Variants in RPS6KC1 observed in about 807,000 individuals in gnomAD.
RPS6KC1 encodes ribosomal protein S6 kinase C1.
A neutral mutation model predicts 103.8 loss-of-function variants in RPS6KC1; 54 were observed. The observed-to-expected ratio is 0.52, with a 90% CI of 0.42 to 0.65. The LOEUF (loss-of-function observed/expected upper bound fraction) is 0.65, where lower values mean the gene tolerates loss of function less well. Among genes scored for constraint, RPS6KC1 ranks in the 30% least tolerant of loss-of-function variants. RPS6KC1 has a pLI of 0.00. For synonymous variants in RPS6KC1, 439 were observed against 438.7 expected, an observed-to-expected ratio of 1.00 and a Z score of -0.01; for missense variants, 1,151 against 1,253.8, an observed-to-expected ratio of 0.92 and a Z score of 1.24.
At chr1:213,278,740 TA>T (rs2095117270), downstream of RPS6KC1, among the ~76,000 whole-genome samples, 1 of 152,034 alleles carries the variant, frequency 6.6e-6, no homozygotes, top group African/African-American at 2.4e-5. Context: ...GCATAAATAA[TA>T]AGTAGGGCAG....
the RPS6KC1 span, among the ~76,000 whole-genome samples, chr1:213,484,458 T>C: frequency 2.0e-5 from 3 of 152,240 alleles, no homozygotes; most frequent in Non-Finnish European, 4.4e-5. Flanking sequence ...CCTTGTCACA[T>C]GGACCTGTCC....
chr1:213,819,716 A>G, the RPS6KC1 span: 3 of 152,240 alleles, frequency 2.0e-5, no homozygotes, highest in African/African-American at 7.2e-5. Flanking sequence ...TGGTGACATC[A>G]GTCCTTATTA....
At chr1:213,754,766 A>G in the RPS6KC1 span, among the ~76,000 whole-genome samples, 1 of 152,222 alleles carries the variant, frequency 6.6e-6, no homozygotes, top group Non-Finnish European at 1.5e-5. Flanking sequence ...CAGTGCAAGA[A>G]CAGACTACTA....
chr1:213,334,408 T>C, the RPS6KC1 span, among the ~76,000 whole-genome samples: 1 of 152,194 alleles, frequency 6.6e-6, no homozygotes, highest in Admixed American at 6.5e-5. Flanking sequence ...CCTCCAGCAG[T>C]AAGTACTCAC....
At chr1:213,368,060 T>C in the RPS6KC1 span, among the ~76,000 whole-genome samples, 1 of 152,200 alleles carries the variant, frequency 6.6e-6, no homozygotes, top group Non-Finnish European at 1.5e-5. Context: ...GGAGACCTGG[T>C]TGGGGAGTCT....
intron 6 of RPS6KC1, among the ~76,000 whole-genome samples, chr1:213,134,317 C>T (rs2086009022): frequency 6.6e-6 from 1 of 151,256 alleles, no homozygotes; most frequent in Non-Finnish European, 1.5e-5. Flanking sequence ...TTTTTCTTTT[C>T]TTCCTCTCTC....
intron 8 of RPS6KC1, among the ~76,000 whole-genome samples, chr1:213,204,523 C>A (rs1043760533): frequency 2.0e-5 from 3 of 151,928 alleles, no homozygotes; most frequent in Non-Finnish European, 2.9e-5. Context: ...ATATAAATAC[C>A]TCTAAACTCT....
the RPS6KC1 span, among the ~76,000 whole-genome samples, chr1:213,296,728 T>G: frequency 6.6e-6 from 1 of 152,292 alleles, no homozygotes. Flanking sequence ...AGATGGTTCT[T>G]AGAAGCAGGA....
chr1:213,355,655 A>C, the RPS6KC1 span, among the ~76,000 whole-genome samples: 1 of 152,248 alleles, frequency 6.6e-6, no homozygotes, highest in Non-Finnish European at 1.5e-5. Flanking sequence ...CTCTTGCAGA[A>C]CACACAAAGT....
the RPS6KC1 span, among the ~76,000 whole-genome samples, chr1:213,801,799 A>G: frequency 7.9e-5 from 12 of 152,320 alleles, no homozygotes; most frequent in Non-Finnish European, 1.8e-4. Flanking sequence ...GATTTGGGGC[A>G]AGTTGTTGGT....
chr1:213,227,938 C>A (rs1459965620), intron 8 of RPS6KC1, among the ~76,000 whole-genome samples: 2 of 152,124 alleles, frequency 1.3e-5, no homozygotes, highest in East Asian at 3.8e-4. Flanking sequence ...TTAATTACAT[C>A]TGAAAAGGCT....
the RPS6KC1 span, among the ~76,000 whole-genome samples, chr1:213,529,948 C>T: frequency 6.6e-6 from 1 of 152,026 alleles, no homozygotes; most frequent in Non-Finnish European, 1.5e-5. Context: ...ACCTTTTGTA[C>T]CTCTTAGAGC....
the RPS6KC1 span, among the ~76,000 whole-genome samples, chr1:213,667,857 C>G: frequency 6.6e-6 from 1 of 152,174 alleles, no homozygotes; most frequent in Non-Finnish European, 1.5e-5. Flanking sequence ...AGAGTAGATT[C>G]CATCTCAAGA....
chr1:213,267,241 T>C (rs1232707109), intron 14 of RPS6KC1, among the ~76,000 whole-genome samples: 1 of 151,816 alleles, frequency 6.6e-6, no homozygotes, highest in Non-Finnish European at 1.5e-5. Flanking sequence ...AGTCACTGGT[T>C]GACCCATAGG....
At chr1:213,253,062 A>C (rs1440009033) in intron 12 of RPS6KC1, among the ~76,000 whole-genome samples, 1 of 152,216 alleles carries the variant, frequency 6.6e-6, no homozygotes, top group Non-Finnish European at 1.5e-5. Context: ...AAAATAGTTT[A>C]GGAGTTCTAA....
At chr1:213,309,155 C>T in the RPS6KC1 span, among the ~76,000 whole-genome samples, 258 of 152,128 alleles carry the variant, frequency 1.7e-3, 1 homozygote, top group African/African-American at 6.0e-3. Context: ...ATTAGCCGGG[C>T]GTGGTGGCAC....
chr1:213,176,132 G>T (rs1160809447), intron 7 of RPS6KC1, among the ~76,000 whole-genome samples: 1 of 152,060 alleles, frequency 6.6e-6, no homozygotes, highest in Non-Finnish European at 1.5e-5. Flanking sequence ...TCTAGAAACT[G>T]CCAGCTCATT....
At chr1:213,091,510 G>T (rs527381613) in intron 3 of RPS6KC1, among the ~76,000 whole-genome samples, 218 of 152,254 alleles carry the variant, frequency 1.4e-3, no homozygotes, top group African/African-American at 5.0e-3. Flanking sequence ...ATTACAATCC[G>T]TTGGTCTGTC....
chr1:213,779,860 C>T, the RPS6KC1 span, among the ~76,000 whole-genome samples: 4 of 152,136 alleles, frequency 2.6e-5, no homozygotes, highest in Admixed American at 6.6e-5. Context: ...ATCAGATCAC[C>T]TTTATAGTAA....
Sources: gnomAD v4.1 joint callset for allele counts (sites outside exome capture counted in the v4.1 genomes callset) on GRCh38, gnomAD v4.1.1 for gene constraint, MANE v1.5 for transcripts, NCBI Gene and HGNC (gene_info 2026-07-23, HGNC 2026-07-21) for gene names.